The following SHB variants were observed in gnomAD, a reference collection of about 807,000 sequenced individuals.
SHB encodes SH2 domain containing adaptor protein B.
Under a neutral mutation model 52.3 loss-of-function variants are expected in SHB, and 20 were observed. That is an observed-to-expected ratio of 0.38 (90% CI 0.27 to 0.56). SHB has a LOEUF of 0.56. Ranked by LOEUF, SHB falls within the 20% of genes least tolerant of loss-of-function variation. The pLI is 0.71. For missense variants in SHB, 825 were observed against 723.3 expected (o/e 1.14, Z -1.61); for synonymous variants, 397 against 316.5 (o/e 1.25, Z -2.70).
chr9:38,017,666 C>T (rs1431394329), intron 1 of SHB, among the ~76,000 whole-genome samples: 3 of 152,214 alleles, frequency 2.0e-5, no homozygotes, highest in Non-Finnish European at 4.4e-5. Flanking sequence ...CTATGGCTCC[C>T]GCTGCCGCTA....
At chr9:37,943,525 C>T (rs1283671713) in intron 5 of SHB, among the ~76,000 whole-genome samples, 3 of 152,178 alleles carry the variant, frequency 2.0e-5, no homozygotes, top group Admixed American at 2.0e-4. Flanking sequence ...AGATGCCAGG[C>T]AATTTGCCTT....
intron 1 of SHB, among the ~76,000 whole-genome samples, chr9:38,028,228 T>C (rs1821369104): frequency 6.6e-6 from 1 of 152,070 alleles, no homozygotes; most frequent in Admixed American, 6.5e-5. Flanking sequence ...ATGGGGACCC[T>C]ATGGGCCTCT....
At chr9:37,955,857 G>A (rs1343835845) in intron 4 of SHB, 26 bp downstream of exon 4, 2 of 1,604,368 alleles carry the variant, frequency 1.2e-6, no homozygotes, top group Admixed American at 1.7e-5. Flanking sequence ...GGGAGGTGAG[G>A]TTGGGCTTTG....
At chr9:38,059,573 C>G (rs952488792) in intron 1 of SHB, among the ~76,000 whole-genome samples, 6 of 152,290 alleles carry the variant, frequency 3.9e-5, no homozygotes, top group African/African-American at 1.4e-4. Context: ...CTGGAAAATA[C>G]CAAACAGGAA....
chr9:37,971,463 G>C (rs1005344875), intron 3 of SHB, among the ~76,000 whole-genome samples: 6 of 152,188 alleles, frequency 3.9e-5, no homozygotes, highest in African/African-American at 1.4e-4. Context: ...GCGCCTAATG[G>C]ACTCTGTCCA....
In SHB at chr9:37,920,009, G is replaced by A; in HGVS notation, c.1347-5C>T. The A allele has an allele frequency of 6.2e-7, 1 of 1,612,646 alleles. No homozygotes were observed. Among genetic ancestry groups the A allele is most frequent in the Non-Finnish European group, 8.5e-7 (1 of 1,178,774 alleles). On this transcript the variant is annotated splice_region_variant and splice_polypyrimidine_tract_variant and intron_variant, in intron 5 of 5. Coordinates refer to ENST00000377707, the MANE Select transcript of SHB (RefSeq NM_003028.3). ...TGCATAAAACCCTGGTTGCTCCTGT[G>A]AACAAAACACAGAGTTATCAGAACT...
chr9:37,934,703 G>A (rs910479557), intron 5 of SHB, among the ~76,000 whole-genome samples: 7 of 152,330 alleles, frequency 4.6e-5, no homozygotes, highest in Non-Finnish European at 8.8e-5. Context: ...TTGTGGTCAC[G>A]GTTCTGGGGG....
intron 4 of SHB, among the ~76,000 whole-genome samples, chr9:37,954,428 G>A (rs1438469448): frequency 6.6e-6 from 1 of 152,050 alleles, no homozygotes; most frequent in East Asian, 1.9e-4. Context: ...GTGGCCTCAT[G>A]TGTGCCTACT....
chr9:37,953,806 G>T (rs1052877345), intron 4 of SHB, among the ~76,000 whole-genome samples: 1 of 152,190 alleles, frequency 6.6e-6, no homozygotes, highest in African/African-American at 2.4e-5. Context: ...GGCTCTAACC[G>T]AAATGGGATT....
intron 1 of SHB, among the ~76,000 whole-genome samples, chr9:38,033,385 A>G (rs1309969418): frequency 6.6e-6 from 1 of 152,206 alleles, no homozygotes; most frequent in African/African-American, 2.4e-5. Flanking sequence ...CAGATCCCAG[A>G]AAAATGTACT....
chr9:37,948,612 G>C (rs960639684), intron 5 of SHB, 23 bp downstream of exon 5: 2 of 1,612,216 alleles, frequency 1.2e-6, no homozygotes, highest in Admixed American at 1.7e-5. Flanking sequence ...AGGAGGGCTG[G>C]GGGTGCTCGG....
chr9:38,004,142 T>C (rs10973637), intron 2 of SHB, among the ~76,000 whole-genome samples: 120,036 of 151,934 alleles, frequency 0.79, 47,635 homozygotes, highest in South Asian at 0.86. Context: ...CCAGGTTTCT[T>C]ACTGGAAAAT....
chr9:38,022,548 A>C (rs950526766), intron 1 of SHB, among the ~76,000 whole-genome samples: 2 of 152,072 alleles, frequency 1.3e-5, no homozygotes, highest in African/African-American at 4.8e-5. Flanking sequence ...GCATTTGGGG[A>C]CGTGAGGCGG....
intron 1 of SHB, among the ~76,000 whole-genome samples, chr9:38,020,118 G>A (rs963391459): frequency 6.6e-6 from 1 of 152,204 alleles, no homozygotes; most frequent in African/African-American, 2.4e-5. Context: ...CTTGGAATGG[G>A]GTGCTTAGGG....
intron 1 of SHB, among the ~76,000 whole-genome samples, chr9:38,024,528 CCT>C (rs943154767): frequency 5.3e-5 from 8 of 152,086 alleles, no homozygotes; most frequent in Non-Finnish European, 1.0e-4. Context: ...GCTTGCTCAG[CCT>C]CTCTCTCTCC....
At chr9:37,924,287 G>A (rs190322018) in intron 5 of SHB, among the ~76,000 whole-genome samples, 93 of 152,290 alleles carry the variant, frequency 6.1e-4, no homozygotes, top group Non-Finnish European at 1.9e-4. Context: ...ACCTTGCAGC[G>A]CAATCACGGG....
chr9:38,011,788 T>A (rs1821145702), intron 2 of SHB, among the ~76,000 whole-genome samples: 1 of 152,172 alleles, frequency 6.6e-6, no homozygotes, highest in Non-Finnish European at 1.5e-5. Context: ...TATAACTTCT[T>A]TGAGCCTCAG....
intron 4 of SHB, among the ~76,000 whole-genome samples, chr9:37,949,104 G>A (rs1183367215): frequency 6.6e-6 from 1 of 152,164 alleles, no homozygotes; most frequent in African/African-American, 2.4e-5. Context: ...AGGGTGGCCA[G>A]GGAAGCCTTC....
At chr9:37,969,080 T>C (rs2117951854) in intron 3 of SHB, among the ~76,000 whole-genome samples, 1 of 152,280 alleles carries the variant, frequency 6.6e-6, no homozygotes, top group Middle Eastern at 3.4e-3. Flanking sequence ...CATATCCTGG[T>C]GTAGATGTCG....
Sources: gnomAD v4.1 joint callset for allele counts (sites outside exome capture counted in the v4.1 genomes callset) on GRCh38, gnomAD v4.1.1 for gene constraint, MANE v1.5 for transcripts, NCBI Gene and HGNC (gene_info 2026-07-23, HGNC 2026-07-21) for gene names.